TAFA1: variants seen among roughly 807,000 people sequenced by gnomAD.
The protein encoded by TAFA1 is TAFA chemokine like family member 1, also known as chemokine-like protein TAFA-1.
Under a neutral mutation model 18.5 loss-of-function variants are expected in TAFA1, and 4 were observed. That is an observed-to-expected ratio of 0.22 (90% CI 0.11 to 0.49). The LOEUF (loss-of-function observed/expected upper bound fraction) is 0.49, where lower values mean the gene tolerates loss of function less well. Among genes scored for constraint, TAFA1 ranks in the 20% least tolerant of loss-of-function variants. The pLI, the probability that TAFA1 is intolerant of heterozygous loss-of-function variation, is 0.98. For synonymous variants in TAFA1, 56 were observed against 55.2 expected (o/e 1.01, Z -0.06); for missense variants, 147 against 169.0 (o/e 0.87, Z 0.72).
intron 2 of TAFA1, among the ~76,000 whole-genome samples, chr3:68,403,059 G>C (rs1434528066): frequency 6.6e-6 from 1 of 152,104 alleles, no homozygotes; most frequent in Admixed American, 6.6e-5. Context: ...GATAGATTTA[G>C]ATACACAAGT....
intron 3 of TAFA1, among the ~76,000 whole-genome samples, chr3:68,505,183 A>T (rs2072725906): frequency 6.6e-6 from 1 of 152,162 alleles, no homozygotes; most frequent in Non-Finnish European, 1.5e-5. Flanking sequence ...GTAACTGTGG[A>T]GAGAGAAACA....
At chr3:68,135,664 G>A (rs866072432) in intron 2 of TAFA1, among the ~76,000 whole-genome samples, 1 of 152,294 alleles carries the variant, frequency 6.6e-6, no homozygotes, top group Middle Eastern at 3.4e-3. Context: ...AATATCAGCG[G>A]TATTTTTTGT....
intron 2 of TAFA1, among the ~76,000 whole-genome samples, chr3:68,394,050 A>G (rs2070323022): frequency 1.3e-5 from 2 of 151,928 alleles, no homozygotes; most frequent in Admixed American, 1.3e-4. Context: ...GCATTTAGAA[A>G]ACCACATCGT....
At chr3:68,225,672 C>A (rs1445366385) in intron 2 of TAFA1, among the ~76,000 whole-genome samples, 1 of 152,140 alleles carries the variant, frequency 6.6e-6, no homozygotes, top group Non-Finnish European at 1.5e-5. Flanking sequence ...AGGTTCAAGT[C>A]CTGTCTCTAT....
chr3:68,370,470 G>GTGTA (rs773052878), intron 2 of TAFA1, among the ~76,000 whole-genome samples: 26 of 31,158 alleles, frequency 8.3e-4, no homozygotes, highest in African/African-American at 2.5e-3. Flanking sequence ...GTGTGTGTGT[G>GTGTA]TGTATATATA....
chr3:68,453,800 C>T (rs2071608071), intron 3 of TAFA1, among the ~76,000 whole-genome samples: 1 of 152,158 alleles, frequency 6.6e-6, no homozygotes, highest in African/African-American at 2.4e-5. Flanking sequence ...CAATTAGCTA[C>T]AAGGTTTACA....
chr3:68,543,389 A>G (rs1355258803), intron 4 of TAFA1, among the ~76,000 whole-genome samples: 1 of 152,132 alleles, frequency 6.6e-6, no homozygotes, highest in Non-Finnish European at 1.5e-5. Flanking sequence ...GAAGCAGCAA[A>G]CCACGCTGGG....
At chr3:68,317,038 G>C (rs1039241426) in intron 2 of TAFA1, among the ~76,000 whole-genome samples, 1 of 151,974 alleles carries the variant, frequency 6.6e-6, no homozygotes. Context: ...AGAATAGCTG[G>C]TACAGGATAA....
In TAFA1 at chr3:68,139,440, A is replaced by G. The variant is rs192476675; in HGVS notation, c.118+132696A>G. 5.3e-5 allele frequency among the ~76,000 whole-genome samples: 8 copies of G among 152,322 alleles called. No homozygotes were observed. The East Asian group carries it at 1.3e-3, about 26-fold the overall frequency. On this transcript the variant is annotated intron_variant, in intron 2 of 4. Transcript: ENST00000478136. ...TTTCCCAAGAATTCAATGGAAAACA[A>G]GTAACATTATGGGGAAATATTGATT...
At chr3:68,460,354 T>C (rs943062541) in intron 3 of TAFA1, among the ~76,000 whole-genome samples, 2 of 152,136 alleles carry the variant, frequency 1.3e-5, no homozygotes, top group Non-Finnish European at 2.9e-5. Flanking sequence ...GCAGGAGATT[T>C]TGTTTTTTTC....
chr3:68,396,060 TG>T (rs1365643549), intron 2 of TAFA1, among the ~76,000 whole-genome samples: 1 of 152,080 alleles, frequency 6.6e-6, no homozygotes, highest in Non-Finnish European at 1.5e-5. Context: ...TTTGCCAAAC[TG>T]GGGGAAAATG....
At chr3:68,428,834 G>T (rs962599733) in intron 3 of TAFA1, among the ~76,000 whole-genome samples, 1 of 151,956 alleles carries the variant, frequency 6.6e-6, no homozygotes. Context: ...ACCTGTACAT[G>T]CTAACTTAGA....
chr3:68,365,598 G>C (rs915233416), intron 2 of TAFA1, among the ~76,000 whole-genome samples: 10 of 152,196 alleles, frequency 6.6e-5, no homozygotes, highest in African/African-American at 1.9e-4. Flanking sequence ...AAAGATGGGT[G>C]TATTAGTCCA....
Position 68,404,008 on chromosome 3 carries a change from A to G in TAFA1, c.119-13272A>G, listed in dbSNP as rs565919204. On this transcript the variant is annotated intron_variant, in intron 2 of 4. Transcript: ENST00000478136. The stretch of plus-strand genomic sequence containing the variant: ...AGCTAATACTAATAATAGCAACAGC[A>G]TCAGAGCAAACACATTGCTCCTGTA... Among the ~76,000 whole-genome samples the G allele has an allele frequency of 1.6e-3, 247 of 152,350 alleles. 1 individual carries two copies. Among genetic ancestry groups the G allele is most frequent in the African/African-American group, 5.4e-3 (224 of 41,592 alleles).
At chr3:68,262,850 G>A (rs2067463531) in intron 2 of TAFA1, among the ~76,000 whole-genome samples, 2 of 152,154 alleles carry the variant, frequency 1.3e-5, no homozygotes, top group Non-Finnish European at 2.9e-5. Context: ...TGGGACTGTG[G>A]TTAGGCCAGA....
chr3:68,401,709 T>C (rs1344679860), intron 2 of TAFA1, among the ~76,000 whole-genome samples: 1 of 152,212 alleles, frequency 6.6e-6, no homozygotes, highest in Non-Finnish European at 1.5e-5. Context: ...GTACCAGCCC[T>C]TGTTAACAAC....
At chr3:68,145,343 A>G in intron 2 of TAFA1, 2 of 800,144 alleles carry the variant, frequency 2.5e-6, no homozygotes, top group Non-Finnish European at 4.6e-6. Flanking sequence ...AGATGCAACA[A>G]GGAGACGCAC....
At chr3:68,511,904 T>C (rs1361664738) in intron 3 of TAFA1, among the ~76,000 whole-genome samples, 1 of 152,094 alleles carries the variant, frequency 6.6e-6, no homozygotes, top group Non-Finnish European at 1.5e-5. Flanking sequence ...ATAATGGCCA[T>C]CATTATCATC....
chr3:68,061,265 GT>G, intron 2 of TAFA1, among the ~76,000 whole-genome samples: 1 of 152,122 alleles, frequency 6.6e-6, no homozygotes, highest in Non-Finnish European at 1.5e-5. Context: ...TGAGAGTTGT[GT>G]TTTCATCTTG....
Sources: allele counts gnomAD v4.1 joint callset (sites outside exome capture counted in the v4.1 genomes callset), GRCh38; gene constraint gnomAD v4.1.1; transcripts MANE v1.5; gene names NCBI Gene and HGNC (gene_info 2026-07-23, HGNC 2026-07-21).